The following UGT1A7 variants were observed in gnomAD, a reference collection of about 807,000 sequenced individuals.
UGT1A7 encodes the protein UDP-glucuronosyltransferase 1A7.
Under a neutral mutation model 45.6 loss-of-function variants are expected in UGT1A7, and 33 were observed. That is an observed-to-expected ratio of 0.72 (90% CI 0.55 to 0.97). The LOEUF (loss-of-function observed/expected upper bound fraction) is 0.97, where lower values mean the gene tolerates loss of function less well. Among genes scored for constraint, UGT1A7 ranks in the 50% least tolerant of loss-of-function variants. The probability of loss-of-function intolerance (pLI) is 0.00; values close to 1 mark genes in which losing one functional copy is unlikely to be tolerated. For missense variants in UGT1A7, 684 were observed against 666.2 expected, an observed-to-expected ratio of 1.03 and a Z score of -0.29; for synonymous variants, 274 against 250.6, an observed-to-expected ratio of 1.09 and a Z score of -0.88.
intron 1 of UGT1A7, among the ~76,000 whole-genome samples, chr2:233,732,921 ATTGATTCTTCC>A (rs2078336368): frequency 6.6e-6 from 1 of 151,962 alleles, no homozygotes; most frequent in African/African-American, 2.4e-5. Flanking sequence ...TTTTCACGAT[ATTGATTCTTCC>A]TATCCATGAG....
At position 233,772,461 on chromosome 2, in the gene UGT1A7, G is replaced by A. The variant is rs764439291; in HGVS notation, c.1495G>A (p.Val499Met). The change falls in exon 5 of 5, where the codon GTG becomes ATG. Residue 499 changes from valine (V) to methionine (M), a missense_variant. Coordinates refer to ENST00000373426, the MANE Select transcript of UGT1A7 (RefSeq NM_019077.3). ...IGFLLAVVLT[V>M]AFITFKCCAY... is the part of the protein sequence containing the mutation. ...TTTCCTCTTGGCCGTCGTGCTGACAGTGGCCTTCATCACCTTTAAATGTTG... is the reference window on the plus strand; with the variant it reads ...TTTCCTCTTGGCCGTCGTGCTGACAATGGCCTTCATCACCTTTAAATGTTG... 6.2e-7 allele frequency: 1 copy of A among 1,614,184 alleles called. No homozygotes were observed. Among genetic ancestry groups the A allele is most frequent in the Non-Finnish European group, 8.5e-7 (1 of 1,180,040 alleles).
At chr2:233,771,550 T>G (rs1700326393) in intron 4 of UGT1A7, 1 of 152,254 alleles carries the variant, frequency 6.6e-6, no homozygotes, top group Non-Finnish European at 1.5e-5. Flanking sequence ...TACAAATGGC[T>G]GTTAATTTGG....
intron 1 of UGT1A7, among the ~76,000 whole-genome samples, chr2:233,725,106 A>C (rs2077366331): frequency 7.0e-6 from 1 of 142,226 alleles, no homozygotes; most frequent in African/African-American, 2.7e-5. Flanking sequence ...AGAATCAGGC[A>C]GGGAGGTTGC....
intron 4 of UGT1A7, chr2:233,770,148 T>A (rs1432860944): frequency 2.0e-5 from 3 of 152,232 alleles, no homozygotes; most frequent in Admixed American, 6.5e-5. Context: ...CATTATTTTT[T>A]AAAAAAACAC....
chr2:233,718,965 C>T (rs182680267), intron 1 of UGT1A7: 112 of 1,614,172 alleles, frequency 6.9e-5, no homozygotes, highest in African/African-American at 6.7e-4. Flanking sequence ...GGAGGCCTTG[C>T]GGGAGCTCCA....
At chr2:233,683,523 C>T (rs2074638591) in intron 1 of UGT1A7, among the ~76,000 whole-genome samples, 1 of 152,004 alleles carries the variant, frequency 6.6e-6, no homozygotes, top group African/African-American at 2.4e-5. Flanking sequence ...AGTATGGTTG[C>T]TTGGTTTTCA....
chr2:233,685,046 A>G (rs2125530867), intron 1 of UGT1A7, among the ~76,000 whole-genome samples: 1 of 151,978 alleles, frequency 6.6e-6, no homozygotes, highest in Non-Finnish European at 1.5e-5. Context: ...TTTGTGTGCA[A>G]TGTCTTAAGC....
At chr2:233,699,036 G>A (rs1254635267) in intron 1 of UGT1A7, among the ~76,000 whole-genome samples, 1 of 152,194 alleles carries the variant, frequency 6.6e-6, no homozygotes, top group East Asian at 1.9e-4. Flanking sequence ...GGCAGTCCCA[G>A]ATGTCCTGAA....
chr2:233,688,406 G>A (rs1316718631), intron 1 of UGT1A7, among the ~76,000 whole-genome samples: 1 of 151,990 alleles, frequency 6.6e-6, no homozygotes, highest in Non-Finnish European at 1.5e-5. Context: ...TCTAATTTTC[G>A]AGCCCATGTG....
At position 233,682,780 on chromosome 2, in the gene UGT1A7, G is replaced by A. The variant is rs1395260675; in HGVS notation, c.843G>A (p.Lys281=). ...FIGGINCHQG[K]PVPMEFEAYI... ...GTGGTATCAACTGTCATCAGGGAAA[G>A]CCAGTGCCTATGGTAAGTTATCTCC... The change falls in exon 1 of 5, where the codon AAG becomes AAA. Residue 281 remains lysine, a synonymous_variant. Transcript: ENST00000373426. 3 of 1,612,672 alleles carry A rather than the reference G, an allele frequency of 1.9e-6. No homozygotes were observed. Among genetic ancestry groups the A allele is most frequent in the Non-Finnish European group, 1.7e-6 (2 of 1,178,968 alleles).
chr2:233,698,542 G>A (rs1205861943), intron 1 of UGT1A7, among the ~76,000 whole-genome samples: 1 of 152,168 alleles, frequency 6.6e-6, no homozygotes, highest in Non-Finnish European at 1.5e-5. Flanking sequence ...CAGAACACGA[G>A]TGGCCAACAA....
intron 1 of UGT1A7, chr2:233,743,329 A>G: frequency 4.0e-6 from 3 of 753,958 alleles, no homozygotes; most frequent in East Asian, 1.3e-4. Context: ...ACCATCAACT[A>G]TTTCAGTGGA....
chr2:233,769,797 A>G lies in UGT1A7; in HGVS notation c.1295+1358A>G. The G allele has an allele frequency of 1.7e-6, 2 of 1,194,568 alleles. No individual in the cohort carries two copies. Among genetic ancestry groups the G allele is most frequent in the Non-Finnish European group, 2.2e-6 (2 of 895,402 alleles). The allele number at this position is 1,194,568 out of a possible 1,614,324, so 74.0% of individuals were successfully genotyped here. A position where few individuals can be genotyped will look rare whatever the true frequency, so the allele number is the denominator to read the frequency against. ...TTGAGCCCAGAAGTTGGAGGCTGCT[A>G]TGAGCCGTGATCATGCCACTGCACT... On this transcript the variant is annotated intron_variant, in intron 4 of 4. Transcript: ENST00000373426. This position sits in a 1 kb window ranked among gnomAD's most constrained non-coding sequence, Gnocchi z 4.4.
At chr2:233,757,535 A>AATAAATATACATATAC (rs1553619837) in intron 1 of UGT1A7, among the ~76,000 whole-genome samples, 3 of 88,310 alleles carry the variant, frequency 3.4e-5, no homozygotes, top group African/African-American at 1.5e-4. Context: ...GCCTGTAAGG[A>AATAAATATACATATAC]ATATATATAT....
intron 1 of UGT1A7, among the ~76,000 whole-genome samples, chr2:233,709,193 A>G (rs1200077395): frequency 1.3e-5 from 2 of 152,156 alleles, no homozygotes; most frequent in Non-Finnish European, 2.9e-5. Context: ...CTGGGAGTGG[A>G]TCCTCACCAG....
At chr2:233,688,929 G>A (rs532417725) in intron 1 of UGT1A7, among the ~76,000 whole-genome samples, 20 of 152,124 alleles carry the variant, frequency 1.3e-4, no homozygotes, top group African/African-American at 3.6e-4. Flanking sequence ...AGGGAAGATG[G>A]CAGGTGCAGC....
At chr2:233,729,397 C>T (rs762751427) in intron 1 of UGT1A7, 64 of 1,613,538 alleles carry the variant, frequency 4.0e-5, no homozygotes, top group Non-Finnish European at 4.6e-5. Flanking sequence ...TGAATTTGAT[C>T]GCCATGTGCT....
intron 1 of UGT1A7, among the ~76,000 whole-genome samples, chr2:233,692,675 G>T (rs932907325): frequency 6.6e-6 from 1 of 152,174 alleles, no homozygotes; most frequent in Non-Finnish European, 1.5e-5. Context: ...TAGAGAATTG[G>T]CAGGGGGTCC....
chr2:233,724,379 C>T (rs1274419342), intron 1 of UGT1A7, among the ~76,000 whole-genome samples: 6 of 145,710 alleles, frequency 4.1e-5, no homozygotes, highest in African/African-American at 7.6e-5. Flanking sequence ...GGCTGCCGGG[C>T]GGAGACGCTC....
Sources: allele counts gnomAD v4.1 joint callset (sites outside exome capture counted in the v4.1 genomes callset), GRCh38; gene constraint gnomAD v4.1.1; non-coding constraint Gnocchi (gnomAD v3.1); transcripts MANE v1.5; gene names NCBI Gene and HGNC (gene_info 2026-07-23, HGNC 2026-07-21).